Variants in JUP observed in about 807,000 individuals in gnomAD.
JUP encodes junction plakoglobin.
Under a neutral mutation model 71.1 loss-of-function variants are expected in JUP, and 28 were observed. That is an observed-to-expected ratio of 0.39 (90% CI 0.29 to 0.54). JUP has a LOEUF of 0.54. Among genes scored for constraint, JUP ranks in the 20% least tolerant of loss-of-function variants. The probability of loss-of-function intolerance (pLI) is 0.62; values close to 1 mark genes in which losing one functional copy is unlikely to be tolerated. For missense variants in JUP, 869 were observed against 1,030.1 expected (o/e 0.84, Z 2.14); for synonymous variants, 401 against 438.9 (o/e 0.91, Z 1.08).
At chr17:41,785,182 G>T (rs1337265925) in intron 1 of JUP, 1 of 152,026 alleles carries the variant, frequency 6.6e-6, no homozygotes, top group Non-Finnish European at 1.5e-5. Flanking sequence ...AAATCAAATG[G>T]AAGGCAAGTC....
chr17:41,770,759 G>C (rs535009822), intron 2 of JUP, among the ~76,000 whole-genome samples: 5 of 152,320 alleles, frequency 3.3e-5, no homozygotes, highest in African/African-American at 1.2e-4. Flanking sequence ...CCCCATCCCG[G>C]ACTAAGCCCC....
At chr17:41,783,968 G>C (rs1276488349) in intron 1 of JUP, among the ~76,000 whole-genome samples, 6 of 149,454 alleles carry the variant, frequency 4.0e-5, no homozygotes, top group Non-Finnish European at 7.4e-5. Flanking sequence ...GTTACCGTTT[G>C]TCAAGTACTT....
intron 8 of JUP, 65 bp from the exon 9 acceptor site, chr17:41,758,935 G>GCTTCAAGTATCCCTTCCCTC (rs1914344562): frequency 1.3e-6 from 2 of 1,506,024 alleles, no homozygotes; most frequent in Admixed American, 3.9e-5. Flanking sequence ...CAGCTTCCCA[G>GCTTCAAGTATCCCTTCCCTC]CTTCAAGTAT....
chr17:41,770,636 C>G (rs1916504231), intron 2 of JUP, among the ~76,000 whole-genome samples: 2 of 152,238 alleles, frequency 1.3e-5, no homozygotes, highest in African/African-American at 2.4e-5. Context: ...CCAGCACCCA[C>G]AGCCCACCCC....
chr17:41,784,192 A>G (rs1389683982), intron 1 of JUP, among the ~76,000 whole-genome samples: 1 of 152,072 alleles, frequency 6.6e-6, no homozygotes, highest in Non-Finnish European at 1.5e-5. Flanking sequence ...GGATGGGAAA[A>G]AGGTTGGCAG....
chr17:41,779,659 T>C (rs1258268496), intron 1 of JUP, among the ~76,000 whole-genome samples: 1 of 151,754 alleles, frequency 6.6e-6, no homozygotes, highest in Admixed American at 6.6e-5. Flanking sequence ...CAGATATTAC[T>C]TTTTTTATTT....
At chr17:41,781,365 A>G (rs797022774) in intron 1 of JUP, among the ~76,000 whole-genome samples, 3 of 151,718 alleles carry the variant, frequency 2.0e-5, no homozygotes, top group Non-Finnish European at 2.9e-5. Flanking sequence ...TCAAAAAAAA[A>G]AAAAGAAAGA....
rs781884639 is a variant in JUP, at chr17:41,764,913, T to C, written c.1054+10A>G. 3.7e-6 allele frequency: 6 copies of C among 1,614,148 alleles called. No homozygotes were observed. The South Asian group carries it at 6.6e-5, about 18-fold the overall frequency. On this transcript the variant is annotated intron_variant, in intron 6 of 13. Transcript: ENST00000393931. ...CCCACCCCAGCCGCCCTCAAGGCCA[T>C]CATACTCACCAGCCTCCACAATGGC... is the stretch of plus-strand genomic sequence containing the variant.
rs1555600407 is a variant in JUP at position 41,760,006 on chromosome 17, G to GC, written c.1498-1137_1498-1136insG. On this transcript the variant is annotated intron_variant, in intron 8 of 13. Coordinates refer to ENST00000393931, the MANE Select transcript of JUP (RefSeq NM_002230.4). ...AGGCAGGCAGATCACTTTAGGTCAG[G>GC]AGTTCGAGACCAGCCTGGCCAACAT... Among the ~76,000 whole-genome samples, 12 of 151,790 alleles carry GC rather than the reference G, an allele frequency of 7.9e-5. No homozygotes were observed. In the East Asian group the frequency reaches 2.4e-3, roughly 30 times the overall value.
At chr17:41,760,094 C>T (rs1458528868) in intron 8 of JUP, among the ~76,000 whole-genome samples, 2 of 150,938 alleles carry the variant, frequency 1.3e-5, no homozygotes, top group African/African-American at 4.9e-5. Context: ...ACCTGGGAGG[C>T]GGAGGTTGCA....
At position 41,755,740 on chromosome 17, in the gene JUP, C is replaced by A; in HGVS notation, c.*4G>T. The A allele has an allele frequency of 6.4e-7, 1 of 1,569,508 alleles. No individual in the cohort carries two copies. Among genetic ancestry groups the A allele is most frequent in the Non-Finnish European group, 8.7e-7 (1 of 1,153,602 alleles). ...AAGAGGGGGCCGTACTGGGGCCAGG[C>A]CGCCTAGGCCAGCATGTGGTCTGCA... On this transcript the variant is annotated 3_prime_UTR_variant, in exon 14 of 14. Coordinates refer to ENST00000393931, the MANE Select transcript of JUP (RefSeq NM_002230.4).
chr17:41,768,411 A>AAG (rs1916055003), intron 4 of JUP, among the ~76,000 whole-genome samples: 1 of 151,286 alleles, frequency 6.6e-6, no homozygotes, highest in South Asian at 2.1e-4. Context: ...AAACAAAAAA[A>AAG]AATAGCTAGG....
intron 12 of JUP, among the ~76,000 whole-genome samples, chr17:41,756,591 C>G (rs1913797979): frequency 6.7e-6 from 1 of 149,098 alleles, no homozygotes; most frequent in Admixed American, 6.7e-5. Flanking sequence ...AGGAGTGAGA[C>G]TCTGTCTCGA....
At chr17:41,768,912 GGGAGAGGCCCAA>G in intron 4 of JUP, 45 bp downstream of exon 4, 1 of 1,319,204 alleles carries the variant, frequency 7.6e-7, no homozygotes, top group Non-Finnish European at 1.1e-6. Context: ...GGGAAGGGAG[GGGAGAGGCCCAA>G]GTGAGAGGGG....
At chr17:41,784,785 TC>T (rs553961746) in intron 1 of JUP, among the ~76,000 whole-genome samples, 6 of 151,918 alleles carry the variant, frequency 3.9e-5, no homozygotes, top group Non-Finnish European at 7.4e-5. Context: ...ACTCTTCCCC[TC>T]CAAGCACTCT....
intron 5 of JUP, 64 bp from the exon 6 acceptor site, chr17:41,765,131 G>C (rs1165980634): frequency 6.6e-7 from 1 of 1,504,044 alleles, no homozygotes; most frequent in African/African-American, 1.4e-5. Flanking sequence ...AGGAAGCGCG[G>C]GACAGGAGAC....
rs782336064 is a variant in JUP, at chr17:41,755,829, A to G, written c.2153T>C (p.Met718Thr). 5.0e-6 allele frequency: 8 copies of G among 1,613,384 alleles called. No homozygotes were observed. In the African/African-American group the frequency reaches 6.7e-5, roughly 13 times the overall value. Residue 718 changes from methionine (M) to threonine (T), a missense_variant, in exon 14 of 14, where the codon ATG (methionine) becomes ACG (threonine). Coordinates refer to ENST00000393931, the MANE Select transcript of JUP (RefSeq NM_002230.4). Reference sequence around the variant, plus strand: ...GATGGGGTAGTCTCCATCCATGTCCATGTGCATCTCCAGCGGGTCAAGGGG... The same window carrying G: ...GATGGGGTAGTCTCCATCCATGTCCGTGTGCATCTCCAGCGGGTCAAGGGG... ...DVPLDPLEMH[M>T]DMDGDYPIDT...
At position 41,763,339 on chromosome 17, in the gene JUP, G is replaced by C. The variant is rs782771199; in HGVS notation, c.1159-18C>G. ...AGGCCCTCCTGGAGGGCAAGGAAGGGACGGGGGAGTCAGGGAGCAGCCAAC... is the reference window on the plus strand; with the variant it reads ...AGGCCCTCCTGGAGGGCAAGGAAGGCACGGGGGAGTCAGGGAGCAGCCAAC... On this transcript the variant is annotated intron_variant, in intron 7 of 13. Coordinates refer to ENST00000393931, the MANE Select transcript of JUP (RefSeq NM_002230.4). The C allele has an allele frequency of 6.3e-7, 1 of 1,599,668 alleles. No individual in the cohort carries two copies. The highest frequency in any genetic ancestry group is 1.1e-5 in the South Asian group (1 of 90,680).
intron 8 of JUP, among the ~76,000 whole-genome samples, chr17:41,762,632 C>T (rs1228676616): frequency 6.6e-6 from 1 of 152,096 alleles, no homozygotes; most frequent in Non-Finnish European, 1.5e-5. Context: ...AATTCCTGGC[C>T]TCAAGCAATC....
Sources: gnomAD v4.1 joint callset for allele counts (sites outside exome capture counted in the v4.1 genomes callset) on GRCh38, gnomAD v4.1.1 for gene constraint, MANE v1.5 for transcripts, NCBI Gene and HGNC (gene_info 2026-07-23, HGNC 2026-07-21) for gene names.